The following CERS1 variants were observed in gnomAD, a reference collection of about 807,000 sequenced individuals.
CERS1 encodes ceramide synthase 1.
Under a neutral mutation model 35.7 loss-of-function variants are expected in CERS1, and 16 were observed. The ratio of observed to expected loss-of-function variants is 0.45; its 90% CI spans 0.30 to 0.68. The LOEUF (loss-of-function observed/expected upper bound fraction) is 0.68. CERS1 is among the 30% of genes least tolerant of loss of function. The probability of loss-of-function intolerance (pLI) is 0.08; values close to 1 mark genes in which losing one functional copy is unlikely to be tolerated. For synonymous variants in CERS1, 243 were observed against 201.6 expected (o/e 1.21, Z -1.74); for missense variants, 454 against 453.9 (o/e 1.00, Z 0.00).
Position 18,892,450 on chromosome 19 carries a change from T to C in CERS1, c.409+966A>G, listed in dbSNP as rs572195816. On this transcript the variant is annotated intron_variant, in intron 2 of 7. Coordinates refer to ENST00000623882, the MANE Select transcript of CERS1 (RefSeq NM_021267.5). ...TAACACGGTGAAACCCCGTCTCTAC[T>C]AAAAATACAAAAAATTAGCCGGGCG... Among the ~76,000 whole-genome samples, 23 of 151,842 alleles carry C rather than the reference T, an allele frequency of 1.5e-4. No individual in the cohort carries two copies. The East Asian group carries it at 4.0e-3, about 26-fold the overall frequency.
rs1295251261 is a variant in CERS1, at chr19:18,884,166, T to C, written c.511A>G (p.Thr171Ala). ...ATGACCACCGAGTCCTTGCGCCAGG[T>C]GTCCATGTATAGCGTAGCGTAGATG... ...HSIYATLYMDTWRKDSVVMLL... is the reference protein window; with the variant it reads ...HSIYATLYMDAWRKDSVVMLL... The change falls in exon 3 of 8, where the codon ACC (threonine) becomes GCC (alanine). Residue 171 changes from threonine (T) to alanine (A), a missense_variant. Coordinates refer to ENST00000623882, the MANE Select transcript of CERS1 (RefSeq NM_021267.5). 6.2e-7 allele frequency: 1 copy of C among 1,613,326 alleles called. No homozygotes were observed. The highest frequency in any genetic ancestry group is 1.7e-5 in the Admixed American group (1 of 59,954).
chr19:18,879,117 C>A (rs2056127130), intron 5 of CERS1, 78 bp from the exon 6 acceptor site: 1 of 1,585,600 alleles, frequency 6.3e-7, no homozygotes, highest in African/African-American at 1.3e-5. Context: ...GTGCTCCTGT[C>A]CCGGGCCCTC....
chr19:18,894,890 C>A (rs1243365304), intron 1 of CERS1, among the ~76,000 whole-genome samples: 1 of 152,192 alleles, frequency 6.6e-6, no homozygotes, highest in African/African-American at 2.4e-5. Context: ...TCCAGCCAGA[C>A]GGGCGGGGTG....
intron 6 of CERS1, among the ~76,000 whole-genome samples, chr19:18,874,632 G>A (rs1022188649): frequency 6.6e-6 from 1 of 152,244 alleles, no homozygotes; most frequent in African/African-American, 2.4e-5. Context: ...ACTTTGGACA[G>A]AGGGGCTGAG....
intron 2 of CERS1, among the ~76,000 whole-genome samples, chr19:18,885,799 G>A (rs1242468180): frequency 1.3e-5 from 2 of 151,992 alleles, no homozygotes; most frequent in African/African-American, 2.4e-5. Context: ...GATTACGGGC[G>A]TGAGCCGCTG....
Position 18,879,274 on chromosome 19 carries a change from C to G in CERS1, c.867G>C (p.Leu289=), listed in dbSNP as rs1161578659. The change falls in exon 5 of 8, where the codon CTG becomes CTC. Residue 289 remains leucine (L), a synonymous_variant. Coordinates refer to ENST00000623882, the MANE Select transcript of CERS1 (RefSeq NM_021267.5). ...AGTAGAGGTTCATAAGGGTGAGCAG[C>G]AGCAGGAGCGCATTGAAGAAGAAGT... The part of the protein sequence containing the change: ...PFYFFFNALL[L]LLTLMNLYWF... The G allele has an allele frequency of 6.2e-7, 1 of 1,613,440 alleles. No individual in the cohort carries two copies. The highest frequency in any genetic ancestry group is 1.3e-5 in the African/African-American group (1 of 74,890).
rs777172267 is a variant in CERS1, at chr19:18,884,179, C to T, written c.498G>A (p.Thr166=). 22 of 1,613,546 alleles carry T rather than the reference C, an allele frequency of 1.4e-5. No homozygotes were observed. Among genetic ancestry groups the T allele is most frequent in the Admixed American group, 5.0e-5 (3 of 59,962 alleles). ...GSFYGHSIYA[T]LYMDTWRKDS... is the part of the protein sequence containing the mutation. Reference sequence around the variant, plus strand: ...CCTTGCGCCAGGTGTCCATGTATAGCGTAGCGTAGATGGAGTGGCCATAGA... The same window carrying T: ...CCTTGCGCCAGGTGTCCATGTATAGTGTAGCGTAGATGGAGTGGCCATAGA... Residue 166 remains threonine, a synonymous_variant, in exon 3 of 8, where the codon ACG becomes ACA. Transcript: ENST00000623882.
chr19:18,869,868 G>A lies in CERS1; in HGVS notation c.*594+115C>T, dbSNP rs1449563165. Reference sequence around the variant, plus strand: ...CGGTGGCCGAAGTTGCTAGTAGCCTGGACAGGGCGGGTGGGGACCCTCGGA... The same window carrying A: ...CGGTGGCCGAAGTTGCTAGTAGCCTAGACAGGGCGGGTGGGGACCCTCGGA... On this transcript the variant is annotated intron_variant, in intron 7 of 7. Coordinates refer to ENST00000623882, the MANE Select transcript of CERS1 (RefSeq NM_021267.5). The A allele has an allele frequency of 1.4e-5, 14 of 1,024,070 alleles. No individual in the cohort carries two copies. The East Asian group carries it at 3.4e-4, about 25-fold the overall frequency. The allele number at this position is 1,024,070 out of a possible 1,614,324, so 63.4% of individuals were successfully genotyped here.
chr19:18,868,716 G>T lies in CERS1; in HGVS notation c.*1269C>A. The T allele has an allele frequency of 1.3e-6, 2 of 1,545,570 alleles. No individual in the cohort carries two copies. Among genetic ancestry groups the T allele is most frequent in the Admixed American group, 2.0e-5 (1 of 51,174 alleles). ...AGGCGCGCGGGCACGCAGCAGGGCAGGTCGGCGGCTCCCGGGGCGGCCGCG... is the reference window on the plus strand; with the variant it reads ...AGGCGCGCGGGCACGCAGCAGGGCATGTCGGCGGCTCCCGGGGCGGCCGCG... On this transcript the variant is annotated 3_prime_UTR_variant, in exon 8 of 8. Coordinates refer to ENST00000623882, the MANE Select transcript of CERS1 (RefSeq NM_021267.5).
rs183768983 is a variant in CERS1 at position 18,884,597 on chromosome 19, C to T, written c.410-330G>A. Among the ~76,000 whole-genome samples, 385 of 150,968 alleles carry T rather than the reference C, an allele frequency of 2.6e-3. 4 individuals carry two copies. The highest frequency in any genetic ancestry group is 8.7e-3 in the African/African-American group (359 of 41,190). ...TAATTTTTTGTATTTTTAGTAGAGA[C>T]GGGGTTTCACTGTGTTACCCAGGAT... On this transcript the variant is annotated intron_variant, in intron 2 of 7. Coordinates refer to ENST00000623882, the MANE Select transcript of CERS1 (RefSeq NM_021267.5).
intron 2 of CERS1, among the ~76,000 whole-genome samples, chr19:18,889,343 C>T (rs12974421): frequency 0.46 from 69,927 of 151,542 alleles, 16,619 homozygotes; most frequent in African/African-American, 0.56. Flanking sequence ...CCAACAGAGG[C>T]CCCCCAACCG....
chr19:18,895,731 C>A lies in CERS1; in HGVS notation c.249+93G>T, dbSNP rs1021547047. The A allele has an allele frequency of 3.9e-5, 26 of 667,728 alleles. No homozygotes were observed. Among genetic ancestry groups the A allele is most frequent in the Non-Finnish European group, 5.0e-5 (25 of 498,914 alleles). The allele number at this position is 667,728 out of a possible 1,614,324, so 41.4% of individuals were successfully genotyped here. A position where few individuals can be genotyped will look rare whatever the true frequency, so the allele number is the denominator to read the frequency against. ...ACCCCTTCATCCGCAGCAGCCAGCGCTGGAAGAAAGGAACGCGCCGGCGGC... is the reference window on the plus strand; with the variant it reads ...ACCCCTTCATCCGCAGCAGCCAGCGATGGAAGAAAGGAACGCGCCGGCGGC... On this transcript the variant is annotated intron_variant, in intron 1 of 7. Coordinates refer to ENST00000623882, the MANE Select transcript of CERS1 (RefSeq NM_021267.5). This position sits in a 1 kb window ranked among gnomAD's most constrained non-coding sequence, Gnocchi z 6.4.
chr19:18,869,482 G>A, intron 7 of CERS1, 92 bp from the exon 8 acceptor site: 1 of 1,458,834 alleles, frequency 6.9e-7, no homozygotes. Flanking sequence ...GTGAACGCTG[G>A]GGCTCGGGGC....
At position 18,880,453 on chromosome 19, in the gene CERS1, A is replaced by G; in HGVS notation, c.591-18T>C. On this transcript the variant is annotated intron_variant, in intron 3 of 7. Coordinates refer to ENST00000623882, the MANE Select transcript of CERS1 (RefSeq NM_021267.5). ...TGTGGTACCTGGGGGAGCAGCAGGC[A>G]GAGAGGAGAGGGCAGCTCACATTGG... The G allele has an allele frequency of 6.4e-7, 1 of 1,569,552 alleles. No individual in the cohort carries two copies. Among genetic ancestry groups the G allele is most frequent in the South Asian group, 1.2e-5 (1 of 85,544 alleles).
In CERS1 at chr19:18,870,706, A is replaced by C. The variant is rs2145990692; in HGVS notation, c.1011-87T>G. On this transcript the variant is annotated intron_variant, in intron 6 of 7. Coordinates refer to ENST00000623882, the MANE Select transcript of CERS1 (RefSeq NM_021267.5). The surrounding 1 kb of genome is among the most constrained non-coding windows in gnomAD (Gnocchi z 5.1). ...CCCGCTTCTTCTCTGGCCGTTTCAC[A>C]CCCCCTGGCTCCTTTTACCCGGCCA... is the stretch of plus-strand genomic sequence containing the variant. 1 of 480,100 alleles carries C rather than the reference A, an allele frequency of 2.1e-6. No homozygotes were observed. The highest frequency in any genetic ancestry group is 4.3e-5 in the South Asian group (1 of 23,014). The allele number at this position is 480,100 out of a possible 1,614,324, so 29.7% of individuals were successfully genotyped here.
At position 18,895,778 on chromosome 19, in the gene CERS1, TC is replaced by T; in HGVS notation, c.249+45del. The T allele has an allele frequency of 1.9e-6, 2 of 1,078,234 alleles. No individual in the cohort carries two copies. The highest frequency in any genetic ancestry group is 2.8e-5 in the South Asian group (1 of 35,992). 66.8% of individuals were successfully genotyped at this position (1,078,234 alleles called of 1,614,324 possible). A position where few individuals can be genotyped will look rare whatever the true frequency, so the allele number is the denominator to read the frequency against. On this transcript the variant is annotated intron_variant, in intron 1 of 7. Transcript: ENST00000623882. This position sits in a 1 kb window ranked among gnomAD's most constrained non-coding sequence, Gnocchi z 6.4. The stretch of plus-strand genomic sequence containing the variant: ...CGGCCCCAGGTCCCCGGTCCCGGCT[TC>T]CCCCAGTCCGGGGTCCCCTCGTCCC...
In CERS1 at chr19:18,881,208, CTTTTTTTTTTTAATTT is replaced by C. The variant is rs1216588790; in HGVS notation, c.591-789_591-774del. Among the ~76,000 whole-genome samples, 4 of 146,990 alleles carry C rather than the reference CTTTTTTTTTTTAATTT, an allele frequency of 2.7e-5. No individual in the cohort carries two copies. The South Asian group carries it at 8.7e-4, about 32-fold the overall frequency. On this transcript the variant is annotated intron_variant, in intron 3 of 7. Coordinates refer to ENST00000623882, the MANE Select transcript of CERS1 (RefSeq NM_021267.5). The stretch of plus-strand genomic sequence containing the variant: ...GCCTCTGCCGCAGCCCATCAGGATC[CTTTTTTTTTTTAATTT>C]TTTTTTTTTTTTGAGACAGAGTCTT...
Position 18,878,849 on chromosome 19 carries a change from T to A in CERS1, c.1010+81A>T. 6.4e-7 allele frequency: 1 copy of A among 1,555,082 alleles called. No homozygotes were observed. On this transcript the variant is annotated intron_variant, in intron 6 of 7. Transcript: ENST00000623882. This position sits in a 1 kb window ranked among gnomAD's most constrained non-coding sequence, Gnocchi z 4.6. ...CGCGTCGGCCTCATCTGCTGCTGGG[T>A]CTTGGGGGCCTGCCCACGAACACGC... is the stretch of plus-strand genomic sequence containing the variant.
rs778912491 is a variant in CERS1, at chr19:18,880,441, G to A, written c.591-6C>T. ...GGATGCCCACATTGTGGTACCTGGG[G>A]GAGCAGCAGGCAGAGAGGAGAGGGC... On this transcript the variant is annotated splice_polypyrimidine_tract_variant and splice_region_variant and intron_variant, in intron 3 of 7. Coordinates refer to ENST00000623882, the MANE Select transcript of CERS1 (RefSeq NM_021267.5). 65 of 1,577,114 alleles carry A rather than the reference G, an allele frequency of 4.1e-5. No homozygotes were observed. Among genetic ancestry groups the A allele is most frequent in the Admixed American group, 2.9e-4 (16 of 55,974 alleles).
Sources: gnomAD v4.1 joint callset for allele counts (sites outside exome capture counted in the v4.1 genomes callset) on GRCh38, gnomAD v4.1.1 for gene constraint, Gnocchi (gnomAD v3.1) non-coding constraint, MANE v1.5 for transcripts, NCBI Gene and HGNC (gene_info 2026-07-23, HGNC 2026-07-21) for gene names.